KIAA1671: variants seen among roughly 807,000 people sequenced by gnomAD.
KIAA1671 encodes the protein KIAA1671.
Under a neutral mutation model 131.2 loss-of-function variants are expected in KIAA1671, and 52 were observed. The observed-to-expected ratio is 0.40, with a 90% CI of 0.32 to 0.50. The LOEUF is 0.50. KIAA1671 is among the 20% of genes least tolerant of loss of function. The pLI, the probability that KIAA1671 is intolerant of heterozygous loss-of-function variation, is 0.73. For missense variants in KIAA1671, 2,360 were observed against 2,364.2 expected, an observed-to-expected ratio of 1.00 and a Z score of 0.04; for synonymous variants, 1,003 against 961.6, an observed-to-expected ratio of 1.04 and a Z score of -0.80.
At chr22:25,072,559 C>G (rs1164936277) in intron 6 of KIAA1671, among the ~76,000 whole-genome samples, 1 of 152,100 alleles carries the variant, frequency 6.6e-6, no homozygotes, top group Non-Finnish European at 1.5e-5. Context: ...AGACCGGGAT[C>G]TTAGATTAGC....
intron 6 of KIAA1671, among the ~76,000 whole-genome samples, chr22:25,091,687 A>T (rs1353402293): frequency 6.6e-6 from 1 of 152,202 alleles, no homozygotes; most frequent in Non-Finnish European, 1.5e-5. Context: ...ATGTTCTCAC[A>T]TGCGTTCTTC....
intron 6 of KIAA1671, among the ~76,000 whole-genome samples, chr22:25,128,906 T>A (rs112060917): frequency 5.3e-5 from 8 of 152,320 alleles, no homozygotes; most frequent in African/African-American, 1.9e-4. Flanking sequence ...AACCTACCCC[T>A]GTCAAGCACC....
intron 1 of KIAA1671, among the ~76,000 whole-genome samples, chr22:25,015,227 TA>T (rs3063199): frequency 0.2 from 23,643 of 115,638 alleles, 2,188 homozygotes; most frequent in Middle Eastern, 0.24. Context: ...CCTTGTCCCT[TA>T]AAAAAAAAAA....
chr22:25,096,150 A>G (rs1185125710), intron 6 of KIAA1671, among the ~76,000 whole-genome samples: 3 of 152,218 alleles, frequency 2.0e-5, no homozygotes, highest in Non-Finnish European at 4.4e-5. Context: ...GCCTTGTCAG[A>G]TGAGGAGAGA....
intron 6 of KIAA1671, among the ~76,000 whole-genome samples, chr22:25,131,563 A>G (rs954487571): frequency 1.3e-5 from 2 of 152,204 alleles, no homozygotes; most frequent in Non-Finnish European, 2.9e-5. Flanking sequence ...GGCCATTTGC[A>G]TGGGCTCAGG....
rs982066655 is a variant in KIAA1671, at chr22:25,040,898, C to T, written c.3768C>T (p.Thr1256=). The change falls in exon 5 of 13, where the codon ACC becomes ACT. Residue 1256 remains threonine, a synonymous_variant. Transcript: ENST00000358431. ...RRRSLKEMPD[T]GGLWKPASSA... Reference sequence around the variant, plus strand: ...GGAGCCTGAAGGAGATGCCCGATACCGGGGGTCTCTGGAAACCGGCCAGTT... The same window carrying T: ...GGAGCCTGAAGGAGATGCCCGATACTGGGGGTCTCTGGAAACCGGCCAGTT... 64 of 1,515,390 alleles carry T rather than the reference C, an allele frequency of 4.2e-5. No individual in the cohort carries two copies. The highest frequency in any genetic ancestry group is 3.4e-4 in the Middle Eastern group (2 of 5,806). The allele number at this position is 1,515,390 out of a possible 1,614,324, so 93.9% of individuals were successfully genotyped here.
chr22:25,150,771 G>A (rs558564719), intron 6 of KIAA1671, among the ~76,000 whole-genome samples: 47 of 151,872 alleles, frequency 3.1e-4, no homozygotes, highest in African/African-American at 1.1e-3. Flanking sequence ...CCTCAAGTCC[G>A]TGGGTGGGAA....
At chr22:25,190,826 A>G (rs779576498) in intron 12 of KIAA1671, 42 bp downstream of exon 12, 4 of 1,387,110 alleles carry the variant, frequency 2.9e-6, no homozygotes, top group Middle Eastern at 1.8e-4. Context: ...AGAGCCCTGC[A>G]GTCACAGGAA....
intron 5 of KIAA1671, among the ~76,000 whole-genome samples, chr22:25,041,856 C>T (rs2014008): frequency 0.14 from 21,564 of 152,108 alleles, 1,581 homozygotes; most frequent in African/African-American, 0.16. Context: ...GCCATCCTCC[C>T]GCCTCAGCCT....
chr22:25,176,986 A>G (rs897873439), intron 8 of KIAA1671: 3 of 192,806 alleles, frequency 1.6e-5, no homozygotes, highest in Non-Finnish European at 3.2e-5. Flanking sequence ...ACAAACATTA[A>G]TTGAGCTCCT....
rs1334528082 is a variant in KIAA1671 at position 25,088,810 on chromosome 22, T to C, written c.4530+39446T>C. On this transcript the variant is annotated intron_variant, in intron 6 of 12. Coordinates refer to ENST00000358431, the MANE Select transcript of KIAA1671 (RefSeq NM_001145206.2). ...GTTCATGTGTCTCCTTTTGAAAATATTCTCTGCGTACATAAGACAATGTCT... is the reference window on the plus strand; with the variant it reads ...GTTCATGTGTCTCCTTTTGAAAATACTCTCTGCGTACATAAGACAATGTCT... Among the ~76,000 whole-genome samples, 2 of 152,114 alleles carry C rather than the reference T, an allele frequency of 1.3e-5. 1 individual carries two copies. Among genetic ancestry groups the C allele is most frequent in the East Asian group, 3.9e-4 (2 of 5,186 alleles).
chr22:25,097,614 C>T (rs1321872702), intron 6 of KIAA1671, among the ~76,000 whole-genome samples: 1 of 152,016 alleles, frequency 6.6e-6, no homozygotes, highest in Non-Finnish European at 1.5e-5. Flanking sequence ...ATGGCGGGTG[C>T]CTGTAGTCCC....
At chr22:25,018,412 A>G (rs1925462106) in intron 1 of KIAA1671, among the ~76,000 whole-genome samples, 1 of 151,700 alleles carries the variant, frequency 6.6e-6, no homozygotes, top group African/African-American at 2.4e-5. Flanking sequence ...TAAAATGTCC[A>G]TCACCTGAAA....
intron 6 of KIAA1671, among the ~76,000 whole-genome samples, chr22:25,092,474 G>A (rs1159976258): frequency 6.6e-6 from 1 of 152,210 alleles, no homozygotes; most frequent in African/African-American, 2.4e-5. Context: ...TATTCTGGCT[G>A]TAGTGGAGAG....
intron 11 of KIAA1671, among the ~76,000 whole-genome samples, chr22:25,189,175 A>G (rs1398274999): frequency 8.4e-6 from 1 of 118,928 alleles, no homozygotes; most frequent in East Asian, 2.4e-4. Flanking sequence ...TTGTTTTGAG[A>G]CGGATTCTTG....
At chr22:25,057,257 GGAA>G in intron 6 of KIAA1671, 1 of 152,398 alleles carries the variant, frequency 6.6e-6, no homozygotes, top group Non-Finnish European at 1.5e-5. Context: ...ATCCCCAGGT[GGAA>G]GAAGGATGGC....
At chr22:24,983,367 G>C (rs1048169474) in intron 1 of KIAA1671, among the ~76,000 whole-genome samples, 5 of 151,978 alleles carry the variant, frequency 3.3e-5, no homozygotes, top group African/African-American at 1.2e-4. Context: ...GGCGTTTTTT[G>C]GCTTCTAGCT....
intron 6 of KIAA1671, among the ~76,000 whole-genome samples, chr22:25,125,469 G>A (rs529717441): frequency 6.6e-5 from 10 of 152,292 alleles, no homozygotes; most frequent in South Asian, 6.2e-4. Flanking sequence ...GTCTGCTGAC[G>A]TCTCATTTCT....
intron 1 of KIAA1671, chr22:25,022,716 C>CT (rs1348813028): frequency 2.0e-5 from 3 of 152,292 alleles, no homozygotes; most frequent in African/African-American, 7.2e-5. Context: ...GATGTCCCCT[C>CT]TCTCACGGTC....
Sources: allele counts gnomAD v4.1 joint callset (sites outside exome capture counted in the v4.1 genomes callset), GRCh38; gene constraint gnomAD v4.1.1; transcripts MANE v1.5; gene names NCBI Gene and HGNC (gene_info 2026-07-23, HGNC 2026-07-21).